The following SCHIP1 variants were observed in gnomAD, a reference collection of about 807,000 sequenced individuals.
SCHIP1 encodes schwannomin-interacting protein 1.
SCHIP1 carries 8 observed loss-of-function variants against 29.7 expected under a neutral mutation model. The ratio of observed to expected loss-of-function variants is 0.27; its 90% confidence interval spans 0.16 to 0.49. The LOEUF is 0.49. SCHIP1 is among the 20% of genes least tolerant of loss of function. The pLI is 0.99. For synonymous variants in SCHIP1, 76 were observed against 94.9 expected (o/e 0.80, Z 1.16); for missense variants, 193 against 294.6 (o/e 0.66, Z 2.52).
At chr3:159,579,612 G>C in the SCHIP1 span, among the ~76,000 whole-genome samples, 1 of 152,198 alleles carries the variant, frequency 6.6e-6, no homozygotes, top group Admixed American at 6.5e-5. Context: ...ATACTAAGGA[G>C]TTGAGAGGAA....
chr3:159,410,919 T>C, the SCHIP1 span, among the ~76,000 whole-genome samples: 1 of 152,142 alleles, frequency 6.6e-6, no homozygotes, highest in Non-Finnish European at 1.5e-5. Flanking sequence ...GTGGTACTTA[T>C]GCACCATGGA....
At chr3:159,791,034 C>T in the SCHIP1 span, among the ~76,000 whole-genome samples, 1 of 152,126 alleles carries the variant, frequency 6.6e-6, no homozygotes, top group African/African-American at 2.4e-5. Flanking sequence ...CTGGGCGGAC[C>T]CCTCACACCT....
chr3:159,813,365 T>A, the SCHIP1 span, among the ~76,000 whole-genome samples: 2 of 152,188 alleles, frequency 1.3e-5, no homozygotes, highest in Admixed American at 1.3e-4. Context: ...TGTTTGTAAT[T>A]GTATACGTCC....
At chr3:159,778,402 C>A in the SCHIP1 span, among the ~76,000 whole-genome samples, 1 of 152,142 alleles carries the variant, frequency 6.6e-6, no homozygotes, top group East Asian at 1.9e-4. Flanking sequence ...TATCCTTCAG[C>A]AGCTTCCCCT....
chr3:159,435,019 C>T, the SCHIP1 span, among the ~76,000 whole-genome samples: 1 of 152,142 alleles, frequency 6.6e-6, no homozygotes, highest in Non-Finnish European at 1.5e-5. Context: ...AAGGCTTGAT[C>T]ACAAGCAGCT....
chr3:159,731,874 T>A, the SCHIP1 span, among the ~76,000 whole-genome samples: 1 of 152,198 alleles, frequency 6.6e-6, no homozygotes, highest in African/African-American at 2.4e-5. Flanking sequence ...CCAGGAATTT[T>A]TTTTTTTTCT....
chr3:159,344,390 T>G, the SCHIP1 span, among the ~76,000 whole-genome samples: 4 of 151,090 alleles, frequency 2.6e-5, no homozygotes, highest in South Asian at 2.2e-4. Flanking sequence ...GAGAAAAGTA[T>G]GAAAACAGTG....
chr3:159,510,527 G>A, the SCHIP1 span, among the ~76,000 whole-genome samples: 1 of 151,296 alleles, frequency 6.6e-6, no homozygotes. Context: ...GCGTTCCTTT[G>A]GAGGAGGAGA....
At chr3:159,550,851 TTAA>T in the SCHIP1 span, among the ~76,000 whole-genome samples, 2 of 152,148 alleles carry the variant, frequency 1.3e-5, no homozygotes, top group African/African-American at 2.4e-5. Flanking sequence ...TAATGAGAAA[TTAA>T]TGTCAGCCTC....
At chr3:159,606,707 C>T in the SCHIP1 span, among the ~76,000 whole-genome samples, 10 of 152,130 alleles carry the variant, frequency 6.6e-5, no homozygotes, top group African/African-American at 2.2e-4. Flanking sequence ...AGAGTTGAAA[C>T]GACCAGATAA....
chr3:159,386,013 A>G, the SCHIP1 span, among the ~76,000 whole-genome samples: 1 of 152,318 alleles, frequency 6.6e-6, no homozygotes, highest in African/African-American at 2.4e-5. Context: ...TGTCCCTGCA[A>G]AGTACATGAA....
At chr3:159,845,008 T>C (rs1711587040) in intron 1 of SCHIP1, among the ~76,000 whole-genome samples, 1 of 152,258 alleles carries the variant, frequency 6.6e-6, no homozygotes, top group Non-Finnish European at 1.5e-5. Context: ...CAGAAATCTT[T>C]AATGCTTCCC....
chr3:159,297,215 G>C, the SCHIP1 span, among the ~76,000 whole-genome samples: 12 of 150,486 alleles, frequency 8.0e-5, no homozygotes, highest in Admixed American at 2.0e-4. Context: ...GGACTCTTAG[G>C]TACTTCCATA....
the SCHIP1 span, among the ~76,000 whole-genome samples, chr3:159,624,447 G>A: frequency 6.6e-6 from 1 of 152,214 alleles, no homozygotes; most frequent in East Asian, 1.9e-4. Context: ...CTCCCAGCAT[G>A]GAGGTGATCT....
the SCHIP1 span, among the ~76,000 whole-genome samples, chr3:159,323,044 T>C: frequency 6.6e-6 from 1 of 152,330 alleles, no homozygotes. Context: ...AGCGGCGGAC[T>C]GGGAAGATGT....
intron 2 of SCHIP1, among the ~76,000 whole-genome samples, chr3:159,876,998 T>C (rs1001206721): frequency 1.3e-5 from 2 of 152,202 alleles, no homozygotes; most frequent in African/African-American, 2.4e-5. Context: ...TGTGGGCTGA[T>C]AGAGTTAAGT....
chr3:159,764,061 T>G, the SCHIP1 span: 3 of 170,802 alleles, frequency 1.8e-5, no homozygotes, highest in South Asian at 2.0e-4. This position sits in a 1 kb window ranked among gnomAD's most constrained non-coding sequence, Gnocchi z 6.1. Flanking sequence ...CCCCAGGGAA[T>G]TATAATTTCC....
the SCHIP1 span, among the ~76,000 whole-genome samples, chr3:159,591,767 G>A: frequency 4.6e-5 from 7 of 151,954 alleles, no homozygotes; most frequent in South Asian, 2.1e-4. Context: ...AAGGCCTGTC[G>A]GGGGGTTGGG....
chr3:159,859,477 C>T (rs192319164), intron 1 of SCHIP1, among the ~76,000 whole-genome samples: 1 of 152,326 alleles, frequency 6.6e-6, no homozygotes, highest in Admixed American at 6.5e-5. Flanking sequence ...GAGCGACTAC[C>T]ACTTTCCTAA....
Sources: allele counts gnomAD v4.1 joint callset (sites outside exome capture counted in the v4.1 genomes callset), GRCh38; gene constraint gnomAD v4.1.1; non-coding constraint Gnocchi (gnomAD v3.1); transcripts MANE v1.5; gene names NCBI Gene and HGNC (gene_info 2026-07-23, HGNC 2026-07-21).